Variants in SCAPER observed in about 807,000 individuals in gnomAD.
The protein encoded by SCAPER is S-phase cyclin A associated protein in the ER.
In SCAPER, 98 loss-of-function variants were observed where a neutral mutation model predicts 182.2. That is an observed-to-expected ratio of 0.54 (90% CI 0.46 to 0.64). SCAPER has a LOEUF of 0.64. Ranked by LOEUF, SCAPER falls within the 30% of genes least tolerant of loss-of-function variation. The probability of loss-of-function intolerance (pLI) is 0.00; values close to 1 mark genes in which losing one functional copy is unlikely to be tolerated. For missense variants in SCAPER, 1,432 were observed against 1,690.0 expected (o/e 0.85, Z 2.68); for synonymous variants, 605 against 564.6 (o/e 1.07, Z -1.01).
intron 15 of SCAPER, 56 bp from the exon 16 acceptor site, chr15:76,733,440 C>T (rs916759378): frequency 1.7e-5 from 27 of 1,568,002 alleles, no homozygotes; most frequent in Non-Finnish European, 2.2e-5. Flanking sequence ...GGGCACATTA[C>T]AAAAATAAGA....
At position 76,593,833 on chromosome 15, in the gene SCAPER, A is replaced by G. The variant is rs369576255; in HGVS notation, c.2712-19549T>C. On this transcript the variant is annotated intron_variant, in intron 22 of 31. Coordinates refer to ENST00000563290, the MANE Select transcript of SCAPER (RefSeq NM_020843.4). Reference sequence around the variant, plus strand: ...CCCCATCCGAAGGTCACCAACATCAAAGACCAAAGGTAGATAAATCCAGGA... The same window carrying G: ...CCCCATCCGAAGGTCACCAACATCAGAGACCAAAGGTAGATAAATCCAGGA... Among the ~76,000 whole-genome samples the G allele has an allele frequency of 7.4e-5, 9 of 121,578 alleles. 1 individual carries two copies. In the East Asian group the frequency reaches 1.1e-3, roughly 15 times the overall value. The allele number at this position is 121,578 out of a possible 152,430, so 79.8% of individuals were successfully genotyped here.
intron 24 of SCAPER, among the ~76,000 whole-genome samples, chr15:76,485,354 A>C (rs1425479508): frequency 6.6e-6 from 1 of 152,236 alleles, no homozygotes; most frequent in Non-Finnish European, 1.5e-5. Context: ...TACAAGGAGA[A>C]CTACAAAACA....
At chr15:76,737,993 C>T (rs2061360328) in intron 15 of SCAPER, among the ~76,000 whole-genome samples, 1 of 152,218 alleles carries the variant, frequency 6.6e-6, no homozygotes, top group African/African-American at 2.4e-5. Flanking sequence ...CTCGAACTTT[C>T]ACCATATCAG....
intron 17 of SCAPER, among the ~76,000 whole-genome samples, chr15:76,713,937 A>T (rs534650510): frequency 3.3e-5 from 5 of 152,196 alleles, no homozygotes; most frequent in Admixed American, 6.6e-5. Flanking sequence ...ATATGCAAAC[A>T]TCCATATCAG....
chr15:76,716,931 CA>C (rs1567899585), intron 17 of SCAPER, among the ~76,000 whole-genome samples: 1 of 151,870 alleles, frequency 6.6e-6, no homozygotes, highest in Non-Finnish European at 1.5e-5. Flanking sequence ...CAATGAAGCT[CA>C]AAGATCTCAG....
In SCAPER at chr15:76,644,418, G is replaced by C. The variant is rs890787293; in HGVS notation, c.2645+21235C>G. Among the ~76,000 whole-genome samples the C allele has an allele frequency of 9.9e-5, 15 of 151,976 alleles. 1 individual carries two copies. Among genetic ancestry groups the C allele is most frequent in the African/African-American group, 3.6e-4 (15 of 41,376 alleles). ...CTAAATGCTTGATAAATTTTCTAAAGAATTTCTTACTTTTCATTTCTAACA... is the reference window on the plus strand; with the variant it reads ...CTAAATGCTTGATAAATTTTCTAAACAATTTCTTACTTTTCATTTCTAACA... On this transcript the variant is annotated intron_variant, in intron 21 of 31. Coordinates refer to ENST00000563290, the MANE Select transcript of SCAPER (RefSeq NM_020843.4).
At position 76,405,279 on chromosome 15, in the gene SCAPER, A is replaced by G. The variant is rs1350701247; in HGVS notation, c.3312-600T>C. ...CATGCGTGTACCACCATGTGCAGTT[A>G]ATTTTTTTTTTTTATTTGTAGAAAT... On this transcript the variant is annotated intron_variant, in intron 26 of 31. Coordinates refer to ENST00000563290, the MANE Select transcript of SCAPER (RefSeq NM_020843.4). Among the ~76,000 whole-genome samples the G allele has an allele frequency of 8.6e-5, 13 of 151,344 alleles. No homozygotes were observed. In the South Asian group the frequency reaches 2.3e-3, roughly 27 times the overall value.
At chr15:76,358,416 A>C (rs1265907102) in intron 29 of SCAPER, among the ~76,000 whole-genome samples, 1 of 152,250 alleles carries the variant, frequency 6.6e-6, no homozygotes, top group African/African-American at 2.4e-5. Flanking sequence ...TGCCATAACA[A>C]TATACCATAG....
intron 17 of SCAPER, 58 bp from the exon 18 acceptor site, chr15:76,706,042 G>T: frequency 7.4e-7 from 1 of 1,345,644 alleles, no homozygotes; most frequent in South Asian, 1.4e-5. Context: ...AATCTCATGA[G>T]ACTCAAAAAT....
rs564848573 is a variant in SCAPER, at chr15:76,708,999, G to A, written c.2166-3015C>T. Among the ~76,000 whole-genome samples the A allele has an allele frequency of 2.6e-5, 4 of 152,200 alleles. No homozygotes were observed. In the East Asian group the frequency reaches 7.7e-4, roughly 29 times the overall value. On this transcript the variant is annotated intron_variant, in intron 17 of 31. Transcript: ENST00000563290. Reference sequence around the variant, plus strand: ...GAGAATCTCTTGAACCTGGTAGGGGGAGATTATGGTGAGCTGAGAGCGCAC... The same window carrying A: ...GAGAATCTCTTGAACCTGGTAGGGGAAGATTATGGTGAGCTGAGAGCGCAC...
At chr15:76,576,446 ATAAG>A (rs1339969854) in intron 22 of SCAPER, among the ~76,000 whole-genome samples, 2 of 152,218 alleles carry the variant, frequency 1.3e-5, no homozygotes, top group Non-Finnish European at 2.9e-5. Flanking sequence ...AACACTGTCA[ATAAG>A]TATTATCCCT....
chr15:76,433,355 A>C (rs1344203449), intron 26 of SCAPER, among the ~76,000 whole-genome samples: 3 of 152,134 alleles, frequency 2.0e-5, no homozygotes, highest in African/African-American at 7.2e-5. Flanking sequence ...TAAAAATACA[A>C]AAATTAGCCA....
intron 25 of SCAPER, among the ~76,000 whole-genome samples, chr15:76,441,313 AT>A (rs1269600798): frequency 2.0e-5 from 3 of 152,152 alleles, no homozygotes; most frequent in Non-Finnish European, 4.4e-5. Context: ...TTTCTAACAT[AT>A]TTATGCCTTT....
chr15:76,567,891 G>C (rs964024583), intron 23 of SCAPER, among the ~76,000 whole-genome samples: 1 of 151,904 alleles, frequency 6.6e-6, no homozygotes, highest in Non-Finnish European at 1.5e-5. Context: ...AATTTATCAA[G>C]TTTCCCTTTA....
chr15:76,893,085 A>G (rs1434855909), intron 1 of SCAPER, among the ~76,000 whole-genome samples: 1 of 152,214 alleles, frequency 6.6e-6, no homozygotes, highest in Non-Finnish European at 1.5e-5. Flanking sequence ...AAAACCAAAC[A>G]TCGCATGTTC....
intron 22 of SCAPER, among the ~76,000 whole-genome samples, chr15:76,591,266 C>T (rs2049085116): frequency 6.9e-6 from 1 of 145,684 alleles, no homozygotes; most frequent in Non-Finnish European, 1.6e-5. Context: ...TCGACTTAAA[C>T]CAGGGTGGAA....
chr15:76,513,876 G>A (rs1039266719), intron 23 of SCAPER, among the ~76,000 whole-genome samples: 1 of 152,126 alleles, frequency 6.6e-6, no homozygotes, highest in Admixed American at 6.5e-5. Context: ...ATCAAATGTT[G>A]CTTCTTCTGT....
chr15:76,374,584 C>T (rs1159940410), intron 29 of SCAPER, among the ~76,000 whole-genome samples: 1 of 150,176 alleles, frequency 6.7e-6, no homozygotes, highest in East Asian at 2.0e-4. Context: ...CTGGTTCAAG[C>T]GATTCTCCTG....
intron 17 of SCAPER, among the ~76,000 whole-genome samples, chr15:76,719,166 A>C (rs758546089): frequency 2.6e-5 from 4 of 152,198 alleles, no homozygotes; most frequent in Admixed American, 1.3e-4. Flanking sequence ...CCATCAAAGA[A>C]ACAATGATAA....
Sources: gnomAD v4.1 joint callset for allele counts (sites outside exome capture counted in the v4.1 genomes callset) on GRCh38, gnomAD v4.1.1 for gene constraint, MANE v1.5 for transcripts, NCBI Gene and HGNC (gene_info 2026-07-23, HGNC 2026-07-21) for gene names.